The following MARCHF1 variants were observed in gnomAD, a reference collection of about 807,000 sequenced individuals.
MARCHF1 encodes membrane associated ring-CH-type finger 1.
Under a neutral mutation model 54.2 loss-of-function variants are expected in MARCHF1, and 40 were observed. That is an observed-to-expected ratio of 0.74 (90% confidence interval 0.57 to 0.96). The LOEUF is 0.96. MARCHF1 is among the 40% of genes least tolerant of loss of function. MARCHF1 has a pLI of 0.00. For missense variants in MARCHF1, 586 were observed against 656.5 expected, an observed-to-expected ratio of 0.89 and a Z score of 1.17; for synonymous variants, 236 against 236.3, an observed-to-expected ratio of 1.00 and a Z score of 0.01.
In MARCHF1 at chr4:163,578,899, T is replaced by C. The variant is rs116422294; in HGVS notation, c.1191+6850A>G. 2.8e-3 allele frequency among the ~76,000 whole-genome samples: 423 copies of C among 152,252 alleles called. 1 individual carries two copies. The highest frequency in any genetic ancestry group is 6.8e-3 in the Middle Eastern group (2 of 294). On this transcript the variant is annotated intron_variant, in intron 8 of 9. Coordinates refer to ENST00000514618, the MANE Select transcript of MARCHF1 (RefSeq NM_001394959.1). ...AGAGAATTTAATAAACTGGGCATGATTGGAGGTCTCTCAGAACAATCATTC... is the reference window on the plus strand; with the variant it reads ...AGAGAATTTAATAAACTGGGCATGACTGGAGGTCTCTCAGAACAATCATTC...
intron 1 of MARCHF1, among the ~76,000 whole-genome samples, chr4:164,357,503 T>C (rs1334268799): frequency 2.0e-5 from 3 of 152,126 alleles, no homozygotes. Context: ...GTCACTTTAG[T>C]TAAATAAAGT....
intron 3 of MARCHF1, among the ~76,000 whole-genome samples, chr4:163,867,099 A>T (rs959581651): frequency 2.0e-5 from 3 of 151,844 alleles, no homozygotes; most frequent in Non-Finnish European, 4.4e-5. Flanking sequence ...ATTTCTAATC[A>T]CATGGTTAGT....
chr4:164,189,372 G>A (rs76994745), intron 1 of MARCHF1: 81 of 627,542 alleles, frequency 1.3e-4, no homozygotes, highest in Non-Finnish European at 2.1e-4. Context: ...AGCTAAACAT[G>A]GATCTGTTCT....
chr4:164,040,916 T>A (rs1283211316), intron 2 of MARCHF1, among the ~76,000 whole-genome samples: 2 of 152,098 alleles, frequency 1.3e-5, no homozygotes, highest in East Asian at 3.8e-4. Context: ...AATCCTGTGT[T>A]TTATGCTGAA....
At chr4:164,113,812 G>A (rs1158941239) in intron 1 of MARCHF1, among the ~76,000 whole-genome samples, 1 of 151,998 alleles carries the variant, frequency 6.6e-6, no homozygotes, top group Non-Finnish European at 1.5e-5. Flanking sequence ...GAACAAGGAT[G>A]TAAGTAAAAA....
At chr4:164,338,274 T>A (rs1374719722) in intron 1 of MARCHF1, among the ~76,000 whole-genome samples, 3 of 152,048 alleles carry the variant, frequency 2.0e-5, no homozygotes, top group Non-Finnish European at 4.4e-5. Context: ...TTATCATAGA[T>A]ACACTAAGAT....
At chr4:163,851,170 A>G (rs766166116) in intron 4 of MARCHF1, among the ~76,000 whole-genome samples, 4 of 152,208 alleles carry the variant, frequency 2.6e-5, no homozygotes, top group Non-Finnish European at 5.9e-5. Flanking sequence ...AGTTCTCAAT[A>G]GGCACTTCAA....
At chr4:163,635,930 T>C (rs1006483538) in intron 5 of MARCHF1, among the ~76,000 whole-genome samples, 23 of 152,058 alleles carry the variant, frequency 1.5e-4, no homozygotes, top group Admixed American at 1.2e-3. Flanking sequence ...GGATGCAAGG[T>C]TGGTTCAATA....
At chr4:163,550,296 A>AAAAAG (rs1392350612) in intron 8 of MARCHF1, among the ~76,000 whole-genome samples, 18 of 148,422 alleles carry the variant, frequency 1.2e-4, no homozygotes, top group African/African-American at 3.5e-4. Context: ...AAAAAAAAAA[A>AAAAAG]AAAAGAAAAG....
intron 1 of MARCHF1, among the ~76,000 whole-genome samples, chr4:164,333,931 A>G (rs1181104924): frequency 1.3e-5 from 2 of 152,254 alleles, no homozygotes; most frequent in Non-Finnish European, 2.9e-5. Flanking sequence ...TGGTCTGAAT[A>G]GAAGATCAAA....
intron 4 of MARCHF1, among the ~76,000 whole-genome samples, chr4:163,774,448 A>C (rs1747246525): frequency 6.6e-6 from 1 of 151,744 alleles, no homozygotes. Context: ...GAAAGATAAA[A>C]GCTGATATTG....
chr4:163,638,428 T>C (rs1742429601), intron 5 of MARCHF1, among the ~76,000 whole-genome samples: 1 of 151,966 alleles, frequency 6.6e-6, no homozygotes, highest in Non-Finnish European at 1.5e-5. Context: ...CCTCTCTCTC[T>C]TGCTCCAGCT....
At chr4:164,232,697 C>A (rs543245492) in intron 1 of MARCHF1, among the ~76,000 whole-genome samples, 2 of 152,152 alleles carry the variant, frequency 1.3e-5, no homozygotes, top group Middle Eastern at 3.4e-3. Context: ...GGTATCATAT[C>A]AAAAATGCTT....
intron 1 of MARCHF1, among the ~76,000 whole-genome samples, chr4:164,313,838 C>T (rs1734930723): frequency 6.6e-6 from 1 of 152,108 alleles, no homozygotes; most frequent in Non-Finnish European, 1.5e-5. Flanking sequence ...AATCCATTAC[C>T]AAGCCCTGAT....
At chr4:163,857,067 A>C (rs543343718) in intron 3 of MARCHF1, among the ~76,000 whole-genome samples, 40 of 149,410 alleles carry the variant, frequency 2.7e-4, no homozygotes, top group African/African-American at 5.7e-4. Context: ...GTCTCAAAAG[A>C]AGCAGCATGA....
intron 3 of MARCHF1, among the ~76,000 whole-genome samples, chr4:163,938,008 A>G (rs1028488200): frequency 6.6e-6 from 1 of 152,182 alleles, no homozygotes; most frequent in Admixed American, 6.6e-5. Flanking sequence ...TCCATTATAT[A>G]AGATAAAATC....
intron 3 of MARCHF1, among the ~76,000 whole-genome samples, chr4:163,977,048 G>A (rs969066053): frequency 1.3e-5 from 2 of 152,148 alleles, no homozygotes; most frequent in South Asian, 2.1e-4. Context: ...TAGAAAAGTT[G>A]TGAGTTATGA....
At chr4:164,030,964 G>C (rs1188074324) in intron 2 of MARCHF1, among the ~76,000 whole-genome samples, 1 of 151,986 alleles carries the variant, frequency 6.6e-6, no homozygotes, top group Non-Finnish European at 1.5e-5. Flanking sequence ...TCAGCTTAAG[G>C]AGTGGGCTGA....
intron 3 of MARCHF1, among the ~76,000 whole-genome samples, chr4:163,862,334 A>T (rs1185088949): frequency 6.6e-6 from 1 of 152,120 alleles, no homozygotes; most frequent in African/African-American, 2.4e-5. Context: ...TATTCCAAAC[A>T]TACAAAGAAC....
Sources: gnomAD v4.1 joint callset for allele counts (sites outside exome capture counted in the v4.1 genomes callset) on GRCh38, gnomAD v4.1.1 for gene constraint, MANE v1.5 for transcripts, NCBI Gene and HGNC (gene_info 2026-07-23, HGNC 2026-07-21) for gene names.